The following STRN variants were observed in gnomAD, a reference collection of about 807,000 sequenced individuals.
STRN encodes striatin.
Under a neutral mutation model 96.3 loss-of-function variants are expected in STRN, and 53 were observed. The observed-to-expected ratio is 0.55, with a 90% CI of 0.44 to 0.69. The LOEUF (loss-of-function observed/expected upper bound fraction) is 0.69. Ranked by LOEUF, STRN falls within the 30% of genes least tolerant of loss-of-function variation. The pLI, the probability that STRN is intolerant of heterozygous loss-of-function variation, is 0.00. For synonymous variants in STRN, 428 were observed against 355.9 expected (o/e 1.20, Z -2.28); for missense variants, 987 against 963.9 (o/e 1.02, Z -0.32).
At chr2:36,942,698 A>G (rs927455072) in intron 1 of STRN, among the ~76,000 whole-genome samples, 9 of 151,560 alleles carry the variant, frequency 5.9e-5, no homozygotes, top group African/African-American at 2.2e-4. Flanking sequence ...GTTAGCATCA[A>G]TTTTTCTTTT....
At chr2:36,891,629 A>G (rs770311631) in intron 7 of STRN, among the ~76,000 whole-genome samples, 15 of 152,206 alleles carry the variant, frequency 9.9e-5, no homozygotes, top group Non-Finnish European at 1.9e-4. Context: ...ACATAACATA[A>G]TATCTCTTGT....
At chr2:36,899,874 T>TTGCC (rs1371127551) in intron 5 of STRN, among the ~76,000 whole-genome samples, 3 of 152,002 alleles carry the variant, frequency 2.0e-5, no homozygotes, top group Non-Finnish European at 2.9e-5. Flanking sequence ...ATCTATCTAC[T>TTGCC]TGCCTGCCTA....
At chr2:36,935,257 C>T (rs780034307) in intron 1 of STRN, among the ~76,000 whole-genome samples, 8 of 152,182 alleles carry the variant, frequency 5.3e-5, no homozygotes, top group East Asian at 1.9e-4. Flanking sequence ...TGAGCCTACA[C>T]ACACCACAGT....
chr2:36,887,700 TAATC>T (rs1669277815), intron 7 of STRN, among the ~76,000 whole-genome samples: 1 of 152,226 alleles, frequency 6.6e-6, no homozygotes, highest in Admixed American at 6.5e-5. Flanking sequence ...AAAAATTTAT[TAATC>T]AACCTTCATT....
At chr2:36,908,760 A>C (rs1558648230) in intron 3 of STRN, among the ~76,000 whole-genome samples, 1 of 151,940 alleles carries the variant, frequency 6.6e-6, no homozygotes, top group Non-Finnish European at 1.5e-5. Flanking sequence ...GATCACTCAA[A>C]CCCAGGAGTT....
intron 15 of STRN, among the ~76,000 whole-genome samples, chr2:36,853,545 G>A (rs985589350): frequency 1.3e-5 from 2 of 152,220 alleles, no homozygotes; most frequent in African/African-American, 4.8e-5. Context: ...GAAGTCGGCA[G>A]AATGCAAAGA....
In STRN at chr2:36,849,701, T is replaced by A; in HGVS notation, c.2173+13A>T. ...GTAAGGACAAATAAATAATCCATAGTTGAGGTACTTACTGCCAGACATCAA... is the reference window on the plus strand; with the variant it reads ...GTAAGGACAAATAAATAATCCATAGATGAGGTACTTACTGCCAGACATCAA... On this transcript the variant is annotated intron_variant, in intron 17 of 17. Transcript: ENST00000263918. 6.2e-7 allele frequency: 1 copy of A among 1,614,030 alleles called. No individual in the cohort carries two copies. Among genetic ancestry groups the A allele is most frequent in the Non-Finnish European group, 8.5e-7 (1 of 1,179,958 alleles).
intron 1 of STRN, 142 bp downstream of exon 1, chr2:36,966,088 G>A (rs897344294): frequency 3.2e-6 from 3 of 951,574 alleles, no homozygotes; most frequent in Non-Finnish European, 4.3e-6. Flanking sequence ...AAGAGAAGAA[G>A]GGGACGGGGC....
intron 1 of STRN, among the ~76,000 whole-genome samples, chr2:36,954,448 G>A (rs554215606): frequency 2.3e-4 from 34 of 150,362 alleles, no homozygotes; most frequent in African/African-American, 8.3e-4. Flanking sequence ...GTAGGCAGAG[G>A]TTGCAGTGAG....
In STRN at chr2:36,849,444, T is replaced by C; in HGVS notation, c.*12A>G. 1.2e-6 allele frequency: 2 copies of C among 1,613,428 alleles called. No homozygotes were observed. The highest frequency in any genetic ancestry group is 1.7e-6 in the Non-Finnish European group (2 of 1,179,620). ...CTTATAAACAGCTAGAAGGTGAAGA[T>C]GATGCATTGCGTCATACAAAGACTT... On this transcript the variant is annotated 3_prime_UTR_variant, in exon 18 of 18. Coordinates refer to ENST00000263918, the MANE Select transcript of STRN (RefSeq NM_003162.4).
chr2:36,918,944 G>T (rs1051983299), intron 2 of STRN, among the ~76,000 whole-genome samples: 2 of 152,086 alleles, frequency 1.3e-5, no homozygotes, highest in African/African-American at 4.8e-5. Flanking sequence ...TGATACACAG[G>T]TAGGCCCTCC....
intron 1 of STRN, 102 bp downstream of exon 1, chr2:36,966,128 G>C: frequency 7.7e-7 from 1 of 1,303,136 alleles, no homozygotes; most frequent in Non-Finnish European, 9.9e-7. Context: ...AGCAAAGGGG[G>C]AGGGGACGCG....
chr2:36,925,001 A>G, intron 2 of STRN, 104 bp downstream of exon 2: 1 of 983,542 alleles, frequency 1.0e-6, no homozygotes, highest in Non-Finnish European at 1.6e-6. Flanking sequence ...GGTCGCGGTG[A>G]GCCAAGATCG....
intron 1 of STRN, among the ~76,000 whole-genome samples, chr2:36,935,147 T>C (rs1227442587): frequency 6.6e-6 from 1 of 152,208 alleles, no homozygotes; most frequent in African/African-American, 2.4e-5. Context: ...CTTCAGATAC[T>C]ACACCTGAAC....
intron 4 of STRN, among the ~76,000 whole-genome samples, chr2:36,903,983 T>C (rs1042953554): frequency 1.3e-5 from 2 of 152,226 alleles, no homozygotes; most frequent in Admixed American, 1.3e-4. Context: ...CTGGTTTTAC[T>C]CAACAGTTAC....
intron 9 of STRN, among the ~76,000 whole-genome samples, chr2:36,879,699 G>A (rs141062594): frequency 5.1e-4 from 77 of 152,270 alleles, no homozygotes; most frequent in African/African-American, 1.7e-3. Flanking sequence ...GATGAATTTA[G>A]TAGTTCAAAC....
intron 11 of STRN, 105 bp downstream of exon 11, chr2:36,869,449 T>C: frequency 1.8e-6 from 2 of 1,081,484 alleles, no homozygotes; most frequent in Non-Finnish European, 2.5e-6. Context: ...AAGAAAGAAC[T>C]AGAAGAAATG....
intron 10 of STRN, among the ~76,000 whole-genome samples, chr2:36,875,310 G>C (rs1164113901): frequency 6.6e-6 from 1 of 152,044 alleles, no homozygotes; most frequent in Admixed American, 6.6e-5. Context: ...AGCAGTTCAA[G>C]ACTAGCCTGG....
chr2:36,893,127 T>C (rs1669443693), intron 7 of STRN, among the ~76,000 whole-genome samples: 1 of 152,072 alleles, frequency 6.6e-6, no homozygotes, highest in African/African-American at 2.4e-5. Context: ...AACTTTCAGG[T>C]GCCAGTAATA....
Sources: allele counts gnomAD v4.1 joint callset (sites outside exome capture counted in the v4.1 genomes callset), GRCh38; gene constraint gnomAD v4.1.1; transcripts MANE v1.5; gene names NCBI Gene and HGNC (gene_info 2026-07-23, HGNC 2026-07-21).